RASA1: variants seen among roughly 807,000 people sequenced by gnomAD.
The protein encoded by RASA1 is ras GTPase-activating protein 1.
In RASA1, 25 loss-of-function variants were observed where a neutral mutation model predicts 132.2. That is an observed-to-expected ratio of 0.19 (90% CI 0.14 to 0.26). RASA1 has a LOEUF of 0.26. RASA1 is among the 10% of genes least tolerant of loss of function. The probability of loss-of-function intolerance (pLI) is 1.00; values close to 1 mark genes in which losing one functional copy is unlikely to be tolerated. For missense variants in RASA1, 964 were observed against 1,299.2 expected, an observed-to-expected ratio of 0.74 and a Z score of 3.97; for synonymous variants, 477 against 449.9, an observed-to-expected ratio of 1.06 and a Z score of -0.76.
At chr5:87,314,640 C>T (rs1756182915) in intron 1 of RASA1, among the ~76,000 whole-genome samples, 1 of 151,808 alleles carries the variant, frequency 6.6e-6, no homozygotes, top group Admixed American at 6.6e-5. Flanking sequence ...CAGCTCATAG[C>T]TTGGGTATCT....
At chr5:87,279,024 G>A (rs1341414273) in intron 1 of RASA1, among the ~76,000 whole-genome samples, 3 of 147,658 alleles carry the variant, frequency 2.0e-5, no homozygotes, top group Non-Finnish European at 4.4e-5. Context: ...CAGTTGGATC[G>A]CTTGAGCCCA....
At chr5:87,384,602 T>A (rs116780734) in intron 21 of RASA1, among the ~76,000 whole-genome samples, 1 of 152,246 alleles carries the variant, frequency 6.6e-6, no homozygotes, top group Non-Finnish European at 1.5e-5. Context: ...GAGAGATTTA[T>A]CTGGATGTTC....
At chr5:87,325,659 A>C (rs1446704435) in intron 1 of RASA1, among the ~76,000 whole-genome samples, 2 of 152,180 alleles carry the variant, frequency 1.3e-5, no homozygotes, top group Admixed American at 6.5e-5. Context: ...AAAAGGAAAA[A>C]CCAAGTGGAA....
At chr5:87,271,009 C>G (rs1057157666) in intron 1 of RASA1, among the ~76,000 whole-genome samples, 1 of 152,042 alleles carries the variant, frequency 6.6e-6, no homozygotes, top group African/African-American at 2.4e-5. Flanking sequence ...GAGGCCGAGG[C>G]GGGTGGATCA....
intron 8 of RASA1, among the ~76,000 whole-genome samples, chr5:87,351,435 T>C (rs1221662337): frequency 6.6e-6 from 1 of 151,696 alleles, no homozygotes. Flanking sequence ...AGGAAGACAA[T>C]GGATTTTGGC....
intron 1 of RASA1, among the ~76,000 whole-genome samples, chr5:87,306,738 T>C (rs1159489221): frequency 1.3e-5 from 2 of 152,160 alleles, no homozygotes; most frequent in Non-Finnish European, 2.9e-5. Flanking sequence ...CTTGAATCTT[T>C]GCCTTAACAT....
At chr5:87,315,708 T>C (rs921441204) in intron 1 of RASA1, among the ~76,000 whole-genome samples, 5 of 152,214 alleles carry the variant, frequency 3.3e-5, no homozygotes, top group African/African-American at 1.2e-4. Flanking sequence ...AAGATTATTT[T>C]ATGTGCTATT....
intron 11 of RASA1, among the ~76,000 whole-genome samples, chr5:87,365,393 ACTTT>A (rs1760436896): frequency 6.6e-6 from 1 of 152,120 alleles, no homozygotes; most frequent in African/African-American, 2.4e-5. Context: ...AGTACTTCCT[ACTTT>A]CTTGTTCAAT....
At position 87,279,411 on chromosome 5, in the gene RASA1, G is replaced by T. The variant is rs73156317; in HGVS notation, c.539+10421G>T. Among the ~76,000 whole-genome samples, 259 of 152,186 alleles carry T rather than the reference G, an allele frequency of 1.7e-3. 1 individual carries two copies. Among genetic ancestry groups the T allele is most frequent in the Middle Eastern group, 0.017 (5 of 294 alleles). ...TTTGTTTAACCGTTCAGCCATTGGGGAACATTTGGGTCATTTCTAGTTTTG... is the reference window on the plus strand; with the variant it reads ...TTTGTTTAACCGTTCAGCCATTGGGTAACATTTGGGTCATTTCTAGTTTTG... On this transcript the variant is annotated intron_variant, in intron 1 of 24. Coordinates refer to ENST00000274376, the MANE Select transcript of RASA1 (RefSeq NM_002890.3).
At chr5:87,349,159 ATCTTT>A (rs1299972012) in intron 7 of RASA1, 50 bp from the exon 8 acceptor site, 2 of 1,584,120 alleles carry the variant, frequency 1.3e-6, no homozygotes, top group Admixed American at 3.4e-5. Context: ...ACTACTTAAC[ATCTTT>A]TCTTTTTTAT....
rs528476594 is a variant in RASA1 at position 87,355,610 on chromosome 5, G to A, written c.1332+2375G>A. ...TGCCAGCTAACACAGCTTATATTCT[G>A]CAGCCCATGGATCAAGGAGTAATTT... is the stretch of plus-strand genomic sequence containing the variant. On this transcript the variant is annotated intron_variant, in intron 9 of 24. Coordinates refer to ENST00000274376, the MANE Select transcript of RASA1 (RefSeq NM_002890.3). 2.0e-5 allele frequency among the ~76,000 whole-genome samples: 3 copies of A among 152,302 alleles called. No homozygotes were observed. The South Asian group carries it at 6.2e-4, about 32-fold the overall frequency.
At chr5:87,335,765 C>A (rs1438443461) in intron 4 of RASA1, among the ~76,000 whole-genome samples, 1 of 152,056 alleles carries the variant, frequency 6.6e-6, no homozygotes, top group East Asian at 1.9e-4. Flanking sequence ...GTGTTAACAA[C>A]TAGAAGATAT....
At chr5:87,352,930 A>G (rs1759379932) in intron 8 of RASA1, among the ~76,000 whole-genome samples, 2 of 151,916 alleles carry the variant, frequency 1.3e-5, no homozygotes, top group Admixed American at 1.3e-4. Context: ...GGTATGGAAA[A>G]TCAGAATCTG....
At chr5:87,300,492 C>G (rs1755314336) in intron 1 of RASA1, among the ~76,000 whole-genome samples, 1 of 152,060 alleles carries the variant, frequency 6.6e-6, no homozygotes, top group Admixed American at 6.6e-5. Flanking sequence ...TAACAAGACC[C>G]TGTCTCAAAA....
chr5:87,344,639 G>A (rs1216176533), intron 6 of RASA1, among the ~76,000 whole-genome samples: 1 of 150,994 alleles, frequency 6.6e-6, no homozygotes, highest in East Asian at 1.9e-4. Context: ...GAGTAGCTGA[G>A]ACTACAGGTG....
At chr5:87,308,452 C>T (rs533225432) in intron 1 of RASA1, among the ~76,000 whole-genome samples, 113 of 151,756 alleles carry the variant, frequency 7.4e-4, no homozygotes, top group Non-Finnish European at 1.5e-3. Flanking sequence ...TTTGTCTTTT[C>T]TAGCAGTTCT....
At chr5:87,346,804 G>A in intron 7 of RASA1, 80 bp downstream of exon 7, 1 of 1,135,262 alleles carries the variant, frequency 8.8e-7, no homozygotes, top group East Asian at 2.4e-5. Flanking sequence ...CATGTGTTTT[G>A]CCTTTAGCAT....
intron 1 of RASA1, among the ~76,000 whole-genome samples, chr5:87,306,145 C>T (rs778736668): frequency 6.6e-6 from 1 of 151,916 alleles, no homozygotes; most frequent in Non-Finnish European, 1.5e-5. Flanking sequence ...ATAAATCACT[C>T]TATTATAAAG....
intron 1 of RASA1, among the ~76,000 whole-genome samples, chr5:87,291,846 C>G (rs899426519): frequency 1.4e-4 from 21 of 152,204 alleles, no homozygotes; most frequent in African/African-American, 3.4e-4. Flanking sequence ...CCTGCAGAAC[C>G]ATGAGCCAGT....
Sources: allele counts gnomAD v4.1 joint callset (sites outside exome capture counted in the v4.1 genomes callset), GRCh38; gene constraint gnomAD v4.1.1; transcripts MANE v1.5; gene names NCBI Gene and HGNC (gene_info 2026-07-23, HGNC 2026-07-21).